The following LRMDA variants were observed in gnomAD, a reference collection of about 807,000 sequenced individuals.
The protein encoded by LRMDA is leucine-rich melanocyte differentiation-associated protein.
In LRMDA, 18 loss-of-function variants were observed where a neutral mutation model predicts 29.8. The ratio of observed to expected loss-of-function variants is 0.60; its 90% CI spans 0.42 to 0.90. The LOEUF (loss-of-function observed/expected upper bound fraction) is 0.90, where lower values mean the gene tolerates loss of function less well. LRMDA is among the 40% of genes least tolerant of loss of function. The pLI is 0.00. For missense variants in LRMDA, 273 were observed against 273.9 expected, an observed-to-expected ratio of 1.00 and a Z score of 0.02; for synonymous variants, 125 against 109.4, an observed-to-expected ratio of 1.14 and a Z score of -0.89.
chr10:75,969,314 C>T (rs1846923791), intron 2 of LRMDA, among the ~76,000 whole-genome samples: 2 of 152,332 alleles, frequency 1.3e-5, no homozygotes, highest in South Asian at 4.1e-4. Flanking sequence ...GTTGTCGGTC[C>T]AGTAATAATA....
chr10:75,576,430 G>A (rs1294042711), intron 2 of LRMDA, among the ~76,000 whole-genome samples: 2 of 152,362 alleles, frequency 1.3e-5, no homozygotes, highest in Non-Finnish European at 2.9e-5. Context: ...GGAAGGGGCA[G>A]TTGGGGGGTG....
chr10:75,862,972 A>C (rs1405901365), intron 2 of LRMDA, among the ~76,000 whole-genome samples: 1 of 152,046 alleles, frequency 6.6e-6, no homozygotes, highest in African/African-American at 2.4e-5. Flanking sequence ...TAATTTTCTT[A>C]TAATTCTTTT....
chr10:75,911,564 A>G (rs17435206), intron 2 of LRMDA, among the ~76,000 whole-genome samples: 18,267 of 152,224 alleles, frequency 0.12, 1,237 homozygotes, highest in Middle Eastern at 0.31. Context: ...TAAACTTCAC[A>G]AGAGCAGGTA....
intron 5 of LRMDA, among the ~76,000 whole-genome samples, chr10:76,143,003 C>A (rs1054917579): frequency 3.9e-5 from 6 of 152,058 alleles, no homozygotes; most frequent in African/African-American, 1.2e-4. Context: ...CATCCATGTC[C>A]CTACAAAGGA....
At chr10:76,375,105 T>C (rs984822979) in intron 6 of LRMDA, among the ~76,000 whole-genome samples, 3 of 152,192 alleles carry the variant, frequency 2.0e-5, no homozygotes, top group African/African-American at 7.2e-5. Flanking sequence ...AAGTTCAGTA[T>C]ACTTTTTCTG....
At chr10:75,915,020 G>A (rs1045213971) in intron 2 of LRMDA, among the ~76,000 whole-genome samples, 1 of 149,328 alleles carries the variant, frequency 6.7e-6, no homozygotes, top group Admixed American at 6.7e-5. Context: ...ACTGGATTAA[G>A]TTACTATGTC....
intron 5 of LRMDA, among the ~76,000 whole-genome samples, chr10:76,065,227 T>C (rs1254359579): frequency 6.6e-6 from 1 of 152,356 alleles, no homozygotes; most frequent in South Asian, 2.1e-4. Context: ...GCAAATGCTT[T>C]TGGAGTATTG....
chr10:76,174,442 C>G (rs1850896033), intron 5 of LRMDA, among the ~76,000 whole-genome samples: 1 of 151,678 alleles, frequency 6.6e-6, no homozygotes, highest in Non-Finnish European at 1.5e-5. Flanking sequence ...GTATCATGAC[C>G]AAGTTGGGTT....
intron 6 of LRMDA, among the ~76,000 whole-genome samples, chr10:76,444,527 A>G (rs1842334537): frequency 6.6e-6 from 1 of 152,212 alleles, no homozygotes; most frequent in South Asian, 2.1e-4. Context: ...AGCTCATTTG[A>G]TGGCCTGCAG....
intron 6 of LRMDA, among the ~76,000 whole-genome samples, chr10:76,512,201 T>A (rs1461376120): frequency 6.6e-6 from 1 of 152,214 alleles, no homozygotes; most frequent in Non-Finnish European, 1.5e-5. Context: ...TCTCCTGCCA[T>A]GATTCTGAGG....
chr10:76,014,130 A>ATATTAGGTATATATATTTT (rs1847839672), intron 2 of LRMDA, among the ~76,000 whole-genome samples: 1 of 136,694 alleles, frequency 7.3e-6, no homozygotes, highest in African/African-American at 2.8e-5. Context: ...ATATAATTAT[A>ATATTAGGTATATATATTTT]TATATATATA....
intron 5 of LRMDA, among the ~76,000 whole-genome samples, chr10:76,202,126 C>T (rs1215541368): frequency 1.3e-5 from 2 of 152,154 alleles, no homozygotes; most frequent in Admixed American, 6.6e-5. Flanking sequence ...ACGTTGGCTA[C>T]TTTTTTATTG....
intron 6 of LRMDA, among the ~76,000 whole-genome samples, chr10:76,349,886 G>T (rs1841153780): frequency 6.6e-6 from 1 of 152,008 alleles, no homozygotes; most frequent in Admixed American, 6.6e-5. Context: ...TACATGCTCA[G>T]ATCAATATGA....
At chr10:75,820,466 GA>G (rs1485960890) in intron 2 of LRMDA, among the ~76,000 whole-genome samples, 1 of 152,178 alleles carries the variant, frequency 6.6e-6, no homozygotes, top group Admixed American at 6.5e-5. Flanking sequence ...CATGAAAATA[GA>G]GACATAACAT....
At chr10:75,507,630 TCA>T (rs1007367193) in intron 2 of LRMDA, among the ~76,000 whole-genome samples, 1 of 152,152 alleles carries the variant, frequency 6.6e-6, no homozygotes, top group African/African-American at 2.4e-5. Flanking sequence ...TCCTATTCTG[TCA>T]CTTCTCTCTG....
chr10:76,269,483 C>T lies in LRMDA; in HGVS notation c.517-54918C>T, dbSNP rs188981983. On this transcript the variant is annotated intron_variant, in intron 5 of 6. Coordinates refer to ENST00000611255, the MANE Select transcript of LRMDA (RefSeq NM_001305581.2). ...TGGTCCATATAGAAGATGGGGTTGC[C>T]CAGTTGTTGAACTTGCTGACTACAT... Among the ~76,000 whole-genome samples, 110 of 152,038 alleles carry T rather than the reference C, an allele frequency of 7.2e-4. 1 individual carries two copies. Among genetic ancestry groups the T allele is most frequent in the Admixed American group, 3.7e-3 (57 of 15,270 alleles).
chr10:76,123,514 A>G (rs1849826604), intron 5 of LRMDA, among the ~76,000 whole-genome samples: 1 of 152,156 alleles, frequency 6.6e-6, no homozygotes, highest in Non-Finnish European at 1.5e-5. Flanking sequence ...GTCTCAGAAC[A>G]CAAAAACAAA....
intron 6 of LRMDA, among the ~76,000 whole-genome samples, chr10:76,375,345 G>A (rs895336255): frequency 6.6e-6 from 1 of 151,994 alleles, no homozygotes; most frequent in East Asian, 1.9e-4. Flanking sequence ...GTTACCAGAG[G>A]ACTGCCAGGT....
intron 2 of LRMDA, among the ~76,000 whole-genome samples, chr10:75,671,427 TTTTC>T (rs1441146189): frequency 6.6e-6 from 1 of 152,146 alleles, no homozygotes. Context: ...CTCCTTGAGC[TTTTC>T]TTTAAGAAAC....
Sources: allele counts gnomAD v4.1 joint callset (sites outside exome capture counted in the v4.1 genomes callset), GRCh38; gene constraint gnomAD v4.1.1; transcripts MANE v1.5; gene names NCBI Gene and HGNC (gene_info 2026-07-23, HGNC 2026-07-21).